C20orf203: variants seen among roughly 807,000 people sequenced by gnomAD.
C20orf203 encodes the protein uncharacterized protein C20orf203.
Under a neutral mutation model 15.9 loss-of-function variants are expected in C20orf203, and 16 were observed. The ratio of observed to expected loss-of-function variants is 1.01; its 90% CI spans 0.68 to 1.53. C20orf203 has a LOEUF of 1.53. C20orf203 is among the 40% of genes most tolerant of loss of function. The probability of loss-of-function intolerance (pLI) is 0.00; values close to 1 mark genes in which losing one functional copy is unlikely to be tolerated. For missense variants in C20orf203, 263 were observed against 247.5 expected (o/e 1.06, Z -0.42); for synonymous variants, 98 against 97.2 (o/e 1.01, Z -0.05).
At chr20:32,654,083 A>G (rs1982701915) in intron 1 of C20orf203, among the ~76,000 whole-genome samples, 1 of 73,156 alleles carries the variant, frequency 1.4e-5, no homozygotes, top group Admixed American at 1.2e-4. Context: ...ATGGAGCGAA[A>G]AAAAAAAAAA....
chr20:32,648,489 G>A (rs531886581), intron 4 of C20orf203, among the ~76,000 whole-genome samples: 77 of 133,906 alleles, frequency 5.8e-4, no homozygotes, highest in African/African-American at 2.0e-3. Context: ...CGCCCAGGCT[G>A]GAGTACAGTA....
chr20:32,670,483 G>A (rs947920485), intron 1 of C20orf203, among the ~76,000 whole-genome samples: 10 of 151,810 alleles, frequency 6.6e-5, no homozygotes, highest in Non-Finnish European at 1.5e-4. Flanking sequence ...CTCCAGCCTG[G>A]GTGACAGAGA....
chr20:32,663,072 C>T (rs2145680156), intron 1 of C20orf203, among the ~76,000 whole-genome samples: 1 of 151,716 alleles, frequency 6.6e-6, no homozygotes, highest in African/African-American at 2.4e-5. Flanking sequence ...CCTCAGCCTC[C>T]TGAGTAGATG....
chr20:32,637,685 C>G (rs536230543), intron 5 of C20orf203, among the ~76,000 whole-genome samples: 1 of 152,308 alleles, frequency 6.6e-6, no homozygotes, highest in South Asian at 2.1e-4. Flanking sequence ...GGGTTTTTAT[C>G]TGTTTTGATC....
intron 1 of C20orf203, among the ~76,000 whole-genome samples, chr20:32,670,135 G>A (rs912786887): frequency 6.6e-6 from 1 of 152,056 alleles, no homozygotes; most frequent in African/African-American, 2.4e-5. Flanking sequence ...GCTTGAACCC[G>A]GGAGTCGGAG....
Position 32,633,773 on chromosome 20 carries a change from G to T in C20orf203, c.*1797C>A, listed in dbSNP as rs1030965582. 8.4e-6 allele frequency: 3 copies of T among 356,886 alleles called. No homozygotes were observed. The highest frequency in any genetic ancestry group is 1.0e-5 in the Non-Finnish European group (2 of 199,988). The allele number at this position is 356,886 out of a possible 1,614,324, so 22.1% of individuals were successfully genotyped here. A position where few individuals can be genotyped will look rare whatever the true frequency, so the allele number is the denominator to read the frequency against. Reference sequence around the variant, plus strand: ...CTGCCTCTGACTCCTCCGGCCAGTCGCCCTGACAGCCCCCTCACCGCGTTG... The same window carrying T: ...CTGCCTCTGACTCCTCCGGCCAGTCTCCCTGACAGCCCCCTCACCGCGTTG... On this transcript the variant is annotated 3_prime_UTR_variant, in exon 6 of 6. Coordinates refer to ENST00000608990, the MANE Select transcript of C20orf203 (RefSeq NM_182584.4).
At chr20:32,643,625 C>CCACACACACACA (rs56325748) in intron 4 of C20orf203, among the ~76,000 whole-genome samples, 4 of 140,848 alleles carry the variant, frequency 2.8e-5, no homozygotes, top group East Asian at 4.5e-4. Flanking sequence ...CTTCCTGGAA[C>CCACACACACACA]CACACACACA....
intron 1 of C20orf203, among the ~76,000 whole-genome samples, chr20:32,664,914 G>A (rs117342200): frequency 1.3e-5 from 2 of 152,340 alleles, no homozygotes; most frequent in Non-Finnish European, 2.9e-5. Context: ...AGAGCTGAGT[G>A]ATCGGCCAAG....
intron 1 of C20orf203, among the ~76,000 whole-genome samples, chr20:32,664,551 G>A (rs1044912614): frequency 6.6e-6 from 1 of 152,192 alleles, no homozygotes; most frequent in African/African-American, 2.4e-5. Context: ...TGAGCTTGAG[G>A]TCGATGGAAA....
intron 1 of C20orf203, among the ~76,000 whole-genome samples, chr20:32,668,649 A>T (rs1983091715): frequency 6.6e-6 from 1 of 151,714 alleles, no homozygotes; most frequent in African/African-American, 2.4e-5. Flanking sequence ...TAAAAAAATA[A>T]AAATAAATTA....
intron 1 of C20orf203, among the ~76,000 whole-genome samples, chr20:32,660,507 AC>A (rs1982866726): frequency 6.6e-6 from 1 of 152,180 alleles, no homozygotes; most frequent in Non-Finnish European, 1.5e-5. Context: ...AGTGCCCATG[AC>A]CTGCCAGGCA....
intron 4 of C20orf203, among the ~76,000 whole-genome samples, chr20:32,646,432 C>T (rs1294620369): frequency 6.6e-6 from 1 of 152,114 alleles, no homozygotes; most frequent in Non-Finnish European, 1.5e-5. Flanking sequence ...TCTCGAACTC[C>T]TGGCCTCAAG....
intron 4 of C20orf203, among the ~76,000 whole-genome samples, chr20:32,647,744 A>G (rs1036001700): frequency 3.9e-5 from 6 of 152,262 alleles, no homozygotes; most frequent in Non-Finnish European, 7.4e-5. Flanking sequence ...GGAAAGCGCC[A>G]GATACAGTTC....
chr20:32,649,000 C>A (rs1003285903), intron 4 of C20orf203, among the ~76,000 whole-genome samples: 31 of 152,294 alleles, frequency 2.0e-4, no homozygotes, highest in African/African-American at 7.2e-4. Context: ...CATGAGGAGG[C>A]AAACTCTGAA....
At chr20:32,645,967 C>T (rs748274457) in intron 4 of C20orf203, among the ~76,000 whole-genome samples, 6 of 152,204 alleles carry the variant, frequency 3.9e-5, no homozygotes, top group South Asian at 2.1e-4. Flanking sequence ...TTGGGGTAGA[C>T]ACCTCAACTT....
chr20:32,650,706 C>T lies in C20orf203; in HGVS notation c.311G>A (p.Trp104Ter). ...QERIWVGGEG[W>*]GEVGGLRLSK... ...GAGCCTGAGGCCTCCAACTTCCCCC[C>T]ACCCCTCCCCACCAACCCAAATCCT... is the stretch of plus-strand genomic sequence containing the variant. Residue 104 changes from tryptophan to a stop codon, truncating the protein, a stop_gained, in exon 4 of 6, where the codon TGG (tryptophan) becomes TAG (stop). Coordinates refer to ENST00000608990, the MANE Select transcript of C20orf203 (RefSeq NM_182584.4). LOFTEE classifies it high-confidence loss of function. The T allele has an allele frequency of 6.5e-7, 1 of 1,547,550 alleles. No homozygotes were observed. The highest frequency in any genetic ancestry group is 8.7e-7 in the Non-Finnish European group (1 of 1,145,240).
intron 4 of C20orf203, among the ~76,000 whole-genome samples, chr20:32,647,410 AAG>A (rs1491021121): frequency 3.4e-5 from 5 of 148,460 alleles, no homozygotes; most frequent in Admixed American, 1.3e-4. Context: ...AAAAAAAAAA[AAG>A]AAGAACTAGG....
At chr20:32,639,828 A>G (rs1480705734) in intron 5 of C20orf203, among the ~76,000 whole-genome samples, 3 of 152,064 alleles carry the variant, frequency 2.0e-5, no homozygotes, top group Admixed American at 1.3e-4. Context: ...TTTGAAGCAT[A>G]CAGAACACAC....
chr20:32,639,963 G>C (rs1982237584), intron 5 of C20orf203, among the ~76,000 whole-genome samples: 1 of 152,208 alleles, frequency 6.6e-6, no homozygotes, highest in Non-Finnish European at 1.5e-5. Context: ...TGGGCGGCCT[G>C]CTTCCTTTCA....
Sources: gnomAD v4.1 joint callset for allele counts (sites outside exome capture counted in the v4.1 genomes callset) on GRCh38, gnomAD v4.1.1 for gene constraint, MANE v1.5 for transcripts, NCBI Gene and HGNC (gene_info 2026-07-23, HGNC 2026-07-21) for gene names.